UBA6: variants seen among roughly 807,000 people sequenced by gnomAD.
The protein encoded by UBA6 is ubiquitin-like modifier-activating enzyme 6.
UBA6 carries 87 observed loss-of-function variants against 148.3 expected under a neutral mutation model. The observed-to-expected ratio is 0.59, with a 90% CI of 0.49 to 0.70. The LOEUF is 0.70. Ranked by LOEUF, UBA6 falls within the 30% of genes least tolerant of loss-of-function variation. UBA6 has a pLI of 0.00. For missense variants in UBA6, 1,186 were observed against 1,241.2 expected (o/e 0.96, Z 0.67); for synonymous variants, 376 against 401.0 (o/e 0.94, Z 0.75).
chr4:67,621,189 G>T lies in UBA6; in HGVS notation c.3023+1642C>A, dbSNP rs534473523. Among the ~76,000 whole-genome samples the T allele has an allele frequency of 2.0e-5, 3 of 152,022 alleles. No homozygotes were observed. The East Asian group carries it at 5.8e-4, about 29-fold the overall frequency. On this transcript the variant is annotated intron_variant, in intron 32 of 32. Coordinates refer to ENST00000322244, the MANE Select transcript of UBA6 (RefSeq NM_018227.6). ...CTTGCTTGATCCAAAAGATACTGAGGGATCCTAATGAAAAATAATATAAGG... is the reference window on the plus strand; with the variant it reads ...CTTGCTTGATCCAAAAGATACTGAGTGATCCTAATGAAAAATAATATAAGG...
At chr4:67,653,448 T>C (rs941618042) in intron 13 of UBA6, among the ~76,000 whole-genome samples, 1 of 152,200 alleles carries the variant, frequency 6.6e-6, no homozygotes, top group Non-Finnish European at 1.5e-5. Context: ...GGGGCCTGAC[T>C]GTTAGAAGGA....
chr4:67,696,734 T>A, intron 1 of UBA6, 27 bp from the exon 2 acceptor site: 1 of 1,560,284 alleles, frequency 6.4e-7, no homozygotes, highest in South Asian at 1.2e-5. Context: ...GGTTATTAAA[T>A]ATTCACATTT....
intron 2 of UBA6, among the ~76,000 whole-genome samples, chr4:67,686,510 C>T (rs1207730433): frequency 6.6e-6 from 1 of 152,000 alleles, no homozygotes; most frequent in East Asian, 1.9e-4. Flanking sequence ...ATGGCTGCTA[C>T]GAGGATTACA....
intron 26 of UBA6, among the ~76,000 whole-genome samples, chr4:67,629,414 T>C (rs530682335): frequency 6.6e-6 from 1 of 152,070 alleles, no homozygotes; most frequent in East Asian, 1.9e-4. Context: ...AAGGCATTTT[T>C]AGGACTGGTT....
chr4:67,689,118 C>G (rs28576595), intron 2 of UBA6, among the ~76,000 whole-genome samples: 57,934 of 151,826 alleles, frequency 0.38, 11,170 homozygotes, highest in Middle Eastern at 0.51. Context: ...TCAATAAATT[C>G]TATGAGATAT....
At chr4:67,689,887 TCA>T (rs1730655682) in intron 2 of UBA6, among the ~76,000 whole-genome samples, 2 of 152,108 alleles carry the variant, frequency 1.3e-5, no homozygotes, top group South Asian at 4.1e-4. Context: ...TCAGACACTG[TCA>T]CAGTCTACGA....
chr4:67,642,823 G>T (rs1729338259), intron 17 of UBA6, among the ~76,000 whole-genome samples: 1 of 151,736 alleles, frequency 6.6e-6, no homozygotes, highest in African/African-American at 2.4e-5. Flanking sequence ...GGAATATATT[G>T]CTTCTTCTCC....
At chr4:67,620,734 T>C (rs746401608) in intron 32 of UBA6, among the ~76,000 whole-genome samples, 10 of 152,230 alleles carry the variant, frequency 6.6e-5, no homozygotes, top group Middle Eastern at 3.2e-3. Context: ...ATTTATGGAA[T>C]ACTTCTTACA....
At chr4:67,650,484 G>A (rs1481715595) in intron 13 of UBA6, among the ~76,000 whole-genome samples, 5 of 151,990 alleles carry the variant, frequency 3.3e-5, no homozygotes, top group East Asian at 1.9e-4. Context: ...GGATAAAGAC[G>A]GCAGCCTATA....
At chr4:67,643,151 A>G (rs1367556019) in intron 17 of UBA6, among the ~76,000 whole-genome samples, 1 of 151,900 alleles carries the variant, frequency 6.6e-6, no homozygotes, top group Non-Finnish European at 1.5e-5. Flanking sequence ...AAGTATATAT[A>G]TGTAACTAAC....
intron 29 of UBA6, 116 bp downstream of exon 29, chr4:67,624,878 T>G: frequency 1.3e-6 from 1 of 776,440 alleles, no homozygotes; most frequent in Non-Finnish European, 2.0e-6. Context: ...AATTATGAGA[T>G]CCAATATTTA....
chr4:67,691,034 T>C (rs1193962198), intron 2 of UBA6, among the ~76,000 whole-genome samples: 1 of 152,142 alleles, frequency 6.6e-6, no homozygotes, highest in Non-Finnish European at 1.5e-5. Context: ...GAGTTAAAAA[T>C]ATAGTTGTCC....
intron 19 of UBA6, among the ~76,000 whole-genome samples, chr4:67,636,755 C>T (rs532638523): frequency 1.3e-5 from 2 of 152,238 alleles, no homozygotes; most frequent in African/African-American, 4.8e-5. Context: ...CCTCCACCCC[C>T]CAGCCGCCTG....
intron 13 of UBA6, among the ~76,000 whole-genome samples, chr4:67,654,168 A>T (rs1729623827): frequency 6.6e-6 from 1 of 152,174 alleles, no homozygotes. Context: ...CAACATTCAA[A>T]TTCAGGAAAT....
At chr4:67,651,489 A>G (rs1729553023) in intron 13 of UBA6, among the ~76,000 whole-genome samples, 1 of 152,210 alleles carries the variant, frequency 6.6e-6, no homozygotes, top group African/African-American at 2.4e-5. Context: ...TTCTAACAGT[A>G]TGAAAATTCG....
intron 2 of UBA6, among the ~76,000 whole-genome samples, chr4:67,694,134 T>C (rs1441736973): frequency 6.9e-6 from 1 of 144,498 alleles, no homozygotes; most frequent in African/African-American, 2.6e-5. Flanking sequence ...GAGAATTGCT[T>C]GAACCCAAGA....
At chr4:67,662,337 G>A (rs956459726) in intron 12 of UBA6, 82 bp from the exon 13 acceptor site, 1 of 1,242,924 alleles carries the variant, frequency 8.0e-7, no homozygotes, top group Non-Finnish European at 1.1e-6. Flanking sequence ...TAAAATTTAG[G>A]AAATATATAA....
At position 67,617,088 on chromosome 4, in the gene UBA6, T is replaced by G. The variant is rs1728641962; in HGVS notation, c.*1909A>C. On this transcript the variant is annotated 3_prime_UTR_variant, in exon 33 of 33. Coordinates refer to ENST00000322244, the MANE Select transcript of UBA6 (RefSeq NM_018227.6). The stretch of plus-strand genomic sequence containing the variant: ...AACTTAATTTTTGTTGATTTTGTTT[T>G]ATCTGCTAAAACACTAATATCTATA... The G allele has an allele frequency of 6.6e-6, 1 of 152,120 alleles. No homozygotes were observed. The highest frequency in any genetic ancestry group is 6.6e-5 in the Admixed American group (1 of 15,262). The allele number at this position is 152,120 out of a possible 1,614,324, so 9.4% of individuals were successfully genotyped here. A position where few individuals can be genotyped will look rare whatever the true frequency, so the allele number is the denominator to read the frequency against.
At position 67,671,439 on chromosome 4, in the gene UBA6, C is replaced by CTT. The variant is rs34086872; in HGVS notation, c.547-849_547-848dup. Among the ~76,000 whole-genome samples, 1,381 of 145,342 alleles carry CTT rather than the reference C, an allele frequency of 9.5e-3. 32 individuals are homozygous for CTT. Among genetic ancestry groups the CTT allele is most frequent in the African/African-American group, 0.033 (1,304 of 39,756 alleles). On this transcript the variant is annotated intron_variant, in intron 7 of 32. Coordinates refer to ENST00000322244, the MANE Select transcript of UBA6 (RefSeq NM_018227.6). ...TACTGATCAAAATGGATACATATAG[C>CTT]TTTTTTTTTTTTACAAGACATAAAA...
Sources: gnomAD v4.1 joint callset for allele counts (sites outside exome capture counted in the v4.1 genomes callset) on GRCh38, gnomAD v4.1.1 for gene constraint, MANE v1.5 for transcripts, NCBI Gene and HGNC (gene_info 2026-07-23, HGNC 2026-07-21) for gene names.